Variants in GPR85 observed in about 807,000 individuals in gnomAD.
GPR85 encodes the protein G protein-coupled receptor 85, also known as probable G protein-coupled receptor 85.
In GPR85, 7 loss-of-function variants were observed where a neutral mutation model predicts 21.3. That is an observed-to-expected ratio of 0.33 (90% CI 0.19 to 0.62). The LOEUF is 0.62. Among genes scored for constraint, GPR85 ranks in the 20% least tolerant of loss-of-function variants. The pLI, the probability that GPR85 is intolerant of heterozygous loss-of-function variation, is 0.80. For synonymous variants in GPR85, 167 were observed against 166.1 expected (o/e 1.01, Z -0.04); for missense variants, 299 against 443.8 (o/e 0.67, Z 2.93).
In GPR85 at chr7:113,086,398, T is replaced by TTTTTTTTTTTTTTTTTTG. The variant is rs1794287261; in HGVS notation, c.-366_-365insCAAAAAAAAAAAAAAAAA. 2 of 24,838 alleles carry TTTTTTTTTTTTTTTTTTG rather than the reference T, an allele frequency of 8.1e-5. No individual in the cohort carries two copies. Among genetic ancestry groups the TTTTTTTTTTTTTTTTTTG allele is most frequent in the African/African-American group, 1.5e-4 (1 of 6,732 alleles). 1.5% of individuals were successfully genotyped at this position (24,838 alleles called of 1,614,324 possible). A position where few individuals can be genotyped will look rare whatever the true frequency, so the allele number is the denominator to read the frequency against. On this transcript the variant is annotated 5_prime_UTR_variant, in exon 1 of 3. Transcript: ENST00000424100. ...GATTTTTTTCTTTTTTTCTTTTTCT[T>TTTTTTTTTTTTTTTTTTG]TTTTTTTTTTTTTTTTTTGTTTTTT...
chr7:113,084,532 A>C lies in GPR85; in HGVS notation c.190T>G (p.Cys64Gly). Residue 64 changes from cysteine (C) to glycine (G), a missense_variant, in exon 3 of 3, where the codon TGT (cysteine) becomes GGT (glycine). This residue lies in a region of GPR85 where 101 missense variants were observed against 108.4 expected (regional missense o/e 0.93). Transcript: ENST00000424100. ...APYYFLLDLC[C>G]SDILRSAICF... Reference sequence around the variant, plus strand: ...ATTGCAGATCTGAGGATATCTGAACAGCAAAGATCCAACAGGAAGTAGTAA... The same window carrying C: ...ATTGCAGATCTGAGGATATCTGAACCGCAAAGATCCAACAGGAAGTAGTAA... 6.2e-7 allele frequency: 1 copy of C among 1,612,380 alleles called. No individual in the cohort carries two copies. The highest frequency in any genetic ancestry group is 8.5e-7 in the Non-Finnish European group (1 of 1,178,350).
Position 113,086,390 on chromosome 7 carries a change from C to CTTTTTTTTT in GPR85, c.-358_-357insAAAAAAAAA, listed in dbSNP as rs1794280731. 5.5e-4 allele frequency: 14 copies of CTTTTTTTTT among 25,292 alleles called. No homozygotes were observed. Among genetic ancestry groups the CTTTTTTTTT allele is most frequent in the Non-Finnish European group, 9.4e-4 (12 of 12,724 alleles). The allele number at this position is 25,292 out of a possible 1,614,324, so 1.6% of individuals were successfully genotyped here. On this transcript the variant is annotated 5_prime_UTR_variant, in exon 1 of 3. Coordinates refer to ENST00000424100, the MANE Select transcript of GPR85 (RefSeq NM_001146267.2). The stretch of plus-strand genomic sequence containing the variant: ...AAATTGCTGATTTTTTTCTTTTTTT[C>CTTTTTTTTT]TTTTTCTTTTTTTTTTTTTTTTTTT...
intron 2 of GPR85, among the ~76,000 whole-genome samples, chr7:113,085,439 A>T (rs954212904): frequency 1.7e-4 from 26 of 152,296 alleles, no homozygotes; most frequent in African/African-American, 6.3e-4. Context: ...TTGTCCCAAG[A>T]TTTGATGTGA....
rs1488236213 is a variant in GPR85, at chr7:113,082,665, G to T, written c.*944C>A. The T allele has an allele frequency of 1.3e-5, 2 of 152,366 alleles. No homozygotes were observed. Among genetic ancestry groups the T allele is most frequent in the African/African-American group, 2.4e-5 (1 of 41,362 alleles). 9.4% of individuals were successfully genotyped at this position (152,366 alleles called of 1,614,324 possible). A position where few individuals can be genotyped will look rare whatever the true frequency, so the allele number is the denominator to read the frequency against. ...AGTTTCAAACCATGTGAGAAAAAAG[G>T]AAAAAGTAATAAATGATCTTCCATG... On this transcript the variant is annotated 3_prime_UTR_variant, in exon 3 of 3. Coordinates refer to ENST00000424100, the MANE Select transcript of GPR85 (RefSeq NM_001146267.2).
In GPR85 at chr7:113,084,493, C is replaced by T; in HGVS notation, c.229G>A (p.Val77Met). The T allele has an allele frequency of 6.2e-7, 1 of 1,613,708 alleles. No individual in the cohort carries two copies. The highest frequency in any genetic ancestry group is 8.5e-7 in the Non-Finnish European group (1 of 1,179,646). ...GAACCATTTTTGACAGAGTTGAACA[C>T]AAATGGGAAACAAATTGCAGATCTG... is the stretch of plus-strand genomic sequence containing the variant. ...ILRSAICFPF[V>M]FNSVKNGSTW... Residue 77 changes from valine (V) to methionine (M), a missense_variant, in exon 3 of 3, where the codon GTG (valine) becomes ATG (methionine). Transcript: ENST00000424100.
rs1794281501 is a variant in GPR85 at position 113,086,390 on chromosome 7, C to CTTTTTCTTTTTTTTTT, written c.-373_-358dup. 4.0e-5 allele frequency: 1 copy of CTTTTTCTTTTTTTTTT among 25,302 alleles called. No homozygotes were observed. Among genetic ancestry groups the CTTTTTCTTTTTTTTTT allele is most frequent in the Non-Finnish European group, 7.9e-5 (1 of 12,728 alleles). The allele number at this position is 25,302 out of a possible 1,614,324, so 1.6% of individuals were successfully genotyped here. ...AAATTGCTGATTTTTTTCTTTTTTT[C>CTTTTTCTTTTTTTTTT]TTTTTCTTTTTTTTTTTTTTTTTTT... On this transcript the variant is annotated 5_prime_UTR_variant, in exon 1 of 3. An upstream open reading frame in the 5' UTR loses its in-frame stop. Coordinates refer to ENST00000424100, the MANE Select transcript of GPR85 (RefSeq NM_001146267.2).
Position 113,086,800 on chromosome 7 carries a change from C to T in GPR85, c.-767G>A, listed in dbSNP as rs907433928. 6.6e-6 allele frequency among the ~76,000 whole-genome samples: 1 copy of T among 152,152 alleles called. No homozygotes were observed. Among genetic ancestry groups the T allele is most frequent in the Non-Finnish European group, 1.5e-5 (1 of 68,028 alleles). On this transcript the variant is annotated 5_prime_UTR_variant, in exon 1 of 3. Coordinates refer to ENST00000424100, the MANE Select transcript of GPR85 (RefSeq NM_001146267.2). ...CCTTTCAGGACCTCAGGCCCATCCT[C>T]TTCCCAAAGGCAGCGCACGAGGAAG...
At position 113,084,643 on chromosome 7, in the gene GPR85, A is replaced by G; in HGVS notation, c.79T>C (p.Leu27=). 2 of 1,613,280 alleles carry G rather than the reference A, an allele frequency of 1.2e-6. No homozygotes were observed. Among genetic ancestry groups the G allele is most frequent in the Non-Finnish European group, 8.5e-7 (1 of 1,179,272 alleles). Reference sequence around the variant, plus strand: ...ACGCTGACTCCTATTATGAAACCCAAGGAAGTCAGTTTCAGAAAGGCTGTT... The same window carrying G: ...ACGCTGACTCCTATTATGAAACCCAGGGAAGTCAGTTTCAGAAAGGCTGTT... ...PLTAFLKLTS[L]GFIIGVSVVG... Residue 27 remains leucine, a synonymous_variant, in exon 3 of 3, where the codon TTG becomes CTG. Transcript: ENST00000424100.
At position 113,083,850 on chromosome 7, in the gene GPR85, G is replaced by C. The variant is rs1214854515; in HGVS notation, c.872C>G (p.Thr291Ser). The C allele has an allele frequency of 6.2e-6, 10 of 1,614,194 alleles. No homozygotes were observed. The highest frequency in any genetic ancestry group is 1.3e-5 in the African/African-American group (1 of 75,048). ...GCCCCACAAGGTTAGAAACAGAAAA[G>C]TCATTATATAGAACATTCTGCTGAT... ...KRISRMFYIM[T>S]FLFLTLWGPY... The change falls in exon 3 of 3, where the codon ACT becomes AGT. Residue 291 changes from threonine to serine, a missense_variant. Physicochemically the swap from Thr to Ser is moderately conservative, Grantham distance 58. Coordinates refer to ENST00000424100, the MANE Select transcript of GPR85 (RefSeq NM_001146267.2). The surrounding 1 kb of genome is among the most constrained non-coding windows in gnomAD (Gnocchi z 4.4).
At position 113,086,417 on chromosome 7, in the gene GPR85, G is replaced by GTTTTTTTTTT. The variant is rs1794296050; in HGVS notation, c.-385_-384insAAAAAAAAAA. 8 of 66,650 alleles carry GTTTTTTTTTT rather than the reference G, an allele frequency of 1.2e-4. No individual in the cohort carries two copies. Among genetic ancestry groups the GTTTTTTTTTT allele is most frequent in the Non-Finnish European group, 1.8e-4 (7 of 38,232 alleles). 4.1% of individuals were successfully genotyped at this position (66,650 alleles called of 1,614,324 possible). A position where few individuals can be genotyped will look rare whatever the true frequency, so the allele number is the denominator to read the frequency against. ...TTTTCTTTTTTTTTTTTTTTTTTTT[G>GTTTTTTTTTT]TTTTTTGTTTTTTTTTTTTTTTTTT... is the stretch of plus-strand genomic sequence containing the variant. On this transcript the variant is annotated 5_prime_UTR_variant, in exon 1 of 3. The change creates a premature stop within an existing upstream ORF in the 5' untranslated region. Transcript: ENST00000424100.
chr7:113,084,282 G>A lies in GPR85; in HGVS notation c.440C>T (p.Thr147Ile). The A allele has an allele frequency of 2.5e-6, 4 of 1,614,066 alleles. No individual in the cohort carries two copies. In the South Asian group the frequency reaches 4.4e-5, roughly 18 times the overall value. ...GGGAAATGCCATGGCCACAGACAGA[G>A]TCCACACCATACAGATCACAGCCAG... is the stretch of plus-strand genomic sequence containing the variant. ...TCLAVICMVW[T>I]LSVAMAFPPV... Residue 147 changes from threonine (T) to isoleucine (I), a missense_variant, in exon 3 of 3, where the codon ACT (threonine) becomes ATT (isoleucine). Thr to Ile is a moderately conservative substitution (Grantham distance 89). Around this residue, in one of 2 missense-constraint regions of GPR85, gnomAD observed 198 missense variants for 335.4 expected, o/e 0.59. Transcript: ENST00000424100.
chr7:113,084,106 T>C lies in GPR85; in HGVS notation c.616A>G (p.Ile206Val). 1 of 1,614,148 alleles carries C rather than the reference T, an allele frequency of 6.2e-7. No homozygotes were observed. ...LATQLVYLKLIFFVHDRRKMK... is the reference protein window; with the variant it reads ...LATQLVYLKLVFFVHDRRKMK... ...TTTCTTCGATCGTGGACGAAAAATATCAGCTTGAGGTAGACAAGCTGTGTG... is the reference window on the plus strand; with the variant it reads ...TTTCTTCGATCGTGGACGAAAAATACCAGCTTGAGGTAGACAAGCTGTGTG... Residue 206 changes from isoleucine (I) to valine (V), a missense_variant, in exon 3 of 3, where the codon ATA (isoleucine) becomes GTA (valine). Physicochemically the swap from Ile to Val is conservative, Grantham distance 29. This residue lies in a region of GPR85 where 198 missense variants were observed against 335.4 expected (regional missense o/e 0.59). Transcript: ENST00000424100.
At position 113,082,697 on chromosome 7, in the gene GPR85, T is replaced by A. The variant is rs1298308792; in HGVS notation, c.*912A>T. ...TAATAAATGATCTTCCATGCACTTTTAGATGCATGACCATGACCAGTTACT... is the reference window on the plus strand; with the variant it reads ...TAATAAATGATCTTCCATGCACTTTAAGATGCATGACCATGACCAGTTACT... On this transcript the variant is annotated 3_prime_UTR_variant, in exon 3 of 3. Transcript: ENST00000424100. 2 of 152,484 alleles carry A rather than the reference T, an allele frequency of 1.3e-5. No individual in the cohort carries two copies. 9.4% of individuals were successfully genotyped at this position (152,484 alleles called of 1,614,324 possible).
At position 113,086,417 on chromosome 7, in the gene GPR85, G is replaced by GTTTTTTTTTTTTTT; in HGVS notation, c.-385_-384insAAAAAAAAAAAAAA. The GTTTTTTTTTTTTTT allele has an allele frequency of 1.5e-5, 1 of 66,648 alleles. No individual in the cohort carries two copies. Among genetic ancestry groups the GTTTTTTTTTTTTTT allele is most frequent in the Non-Finnish European group, 2.6e-5 (1 of 38,230 alleles). 4.1% of individuals were successfully genotyped at this position (66,648 alleles called of 1,614,324 possible). On this transcript the variant is annotated 5_prime_UTR_variant, in exon 1 of 3. The change abolishes the stop of an existing upstream ORF in the 5' untranslated region. Transcript: ENST00000424100. ...TTTTCTTTTTTTTTTTTTTTTTTTT[G>GTTTTTTTTTTTTTT]TTTTTTGTTTTTTTTTTTTTTTTTT... is the stretch of plus-strand genomic sequence containing the variant.
In GPR85 at chr7:113,084,693, T is replaced by C. The variant is rs1293383080; in HGVS notation, c.29A>G (p.Asn10Ser). 16 of 1,613,586 alleles carry C rather than the reference T, an allele frequency of 9.9e-6. No individual in the cohort carries two copies. The highest frequency in any genetic ancestry group is 1.1e-5 in the Non-Finnish European group (13 of 1,179,690). Residue 10 changes from asparagine (N) to serine (S), a missense_variant, in exon 3 of 3, where the codon AAC (asparagine) becomes AGC (serine). Around this residue, in one of 2 missense-constraint regions of GPR85, gnomAD observed 101 missense variants for 108.4 expected, o/e 0.93. Coordinates refer to ENST00000424100, the MANE Select transcript of GPR85 (RefSeq NM_001146267.2). MANYSHAAD[N>S]ILQNLSPLTA... Reference sequence around the variant, plus strand: ...TAGAGGCGAGAGATTTTGCAAAATGTTGTCAGCTGCATGGCTATAGTTCGC... The same window carrying C: ...TAGAGGCGAGAGATTTTGCAAAATGCTGTCAGCTGCATGGCTATAGTTCGC...
In GPR85 at chr7:113,083,828, C is replaced by T; in HGVS notation, c.894G>A (p.Trp298Ter). ...YIMTFLFLTL[W>*]GPYLVACYWR... The stretch of plus-strand genomic sequence containing the variant: ...AATAACAGGCCACCAGGTAGGGGCC[C>T]CACAAGGTTAGAAACAGAAAAGTCA... Residue 298 changes from tryptophan (W) to a stop codon, truncating the protein, a stop_gained, in exon 3 of 3, where the codon TGG (tryptophan) becomes TGA (stop). Transcript: ENST00000424100. LOFTEE classifies it high-confidence loss of function. This position sits in a 1 kb window ranked among gnomAD's most constrained non-coding sequence, Gnocchi z 4.4. 6.2e-7 allele frequency: 1 copy of T among 1,614,184 alleles called. No individual in the cohort carries two copies. Among genetic ancestry groups the T allele is most frequent in the Non-Finnish European group, 8.5e-7 (1 of 1,180,028 alleles).
At chr7:113,085,556 C>T (rs1313205490) in intron 2 of GPR85, among the ~76,000 whole-genome samples, 1 of 152,200 alleles carries the variant, frequency 6.6e-6, no homozygotes, top group Non-Finnish European at 1.5e-5. Flanking sequence ...CAGGGAAACA[C>T]ACCCAGAGGA....
chr7:113,083,471 A>G lies in GPR85; in HGVS notation c.*138T>C, dbSNP rs925167392. 2 of 772,698 alleles carry G rather than the reference A, an allele frequency of 2.6e-6. No individual in the cohort carries two copies. The highest frequency in any genetic ancestry group is 4.9e-5 in the East Asian group (2 of 40,676). The allele number at this position is 772,698 out of a possible 1,614,324, so 47.9% of individuals were successfully genotyped here. ...AATAGGATTATAGGTGAACTATTGC[A>G]AAGACTGCAGAATGTTGCCCAAATC... On this transcript the variant is annotated 3_prime_UTR_variant, in exon 3 of 3. Coordinates refer to ENST00000424100, the MANE Select transcript of GPR85 (RefSeq NM_001146267.2). The surrounding 1 kb of genome is among the most constrained non-coding windows in gnomAD (Gnocchi z 4.4).
Position 113,083,638 on chromosome 7 carries a change from A to G in GPR85, c.1084T>C (p.Leu362=). 1 of 1,614,066 alleles carries G rather than the reference A, an allele frequency of 6.2e-7. No homozygotes were observed. Among genetic ancestry groups the G allele is most frequent in the Non-Finnish European group, 8.5e-7 (1 of 1,179,962 alleles). Residue 362 remains leucine (L), a synonymous_variant, in exon 3 of 3, where the codon TTA becomes CTA. Transcript: ENST00000424100. The surrounding 1 kb of genome is among the most constrained non-coding windows in gnomAD (Gnocchi z 4.4). The part of the protein sequence containing the change: ...TTLLYCRKSR[L]PREPYCVI ...ATAACACAGTAAGGTTCCCTTGGTA[A>G]CCTGGATTTTCTGCAGTAAAGAAGG...
Sources: gnomAD v4.1 joint callset for allele counts (sites outside exome capture counted in the v4.1 genomes callset) on GRCh38, gnomAD v4.1.1 for gene constraint, gnomAD v4.1.1 regional missense constraint, Gnocchi (gnomAD v3.1) non-coding constraint, MANE v1.5 for transcripts, NCBI Gene and HGNC (gene_info 2026-07-23, HGNC 2026-07-21) for gene names.